The following DCAF8L2 variants were observed in gnomAD, a reference collection of about 807,000 sequenced individuals.
DCAF8L2 encodes the protein DDB1 and CUL4 associated factor 8 like 2.
For synonymous variants in DCAF8L2, 200 were observed against 190.9 expected, an observed-to-expected ratio of 1.05 and a Z score of -0.39; for missense variants, 430 against 490.7, an observed-to-expected ratio of 0.88 and a Z score of 1.17.
At chrX:27,577,965 T>A in the DCAF8L2 span, among the ~76,000 whole-genome samples, 4 of 111,406 alleles carry the variant, frequency 3.6e-5, no homozygotes, top group African/African-American at 1.3e-4. Context: ...ATGAAAATGG[T>A]CATACTGCCC....
intron 4 of DCAF8L2, among the ~76,000 whole-genome samples, chrX:27,740,766 C>T (rs1921800662): frequency 8.9e-6 from 1 of 112,133 alleles, no homozygotes; most frequent in South Asian, 3.7e-4. Context: ...TTAAATGTCA[C>T]CCCAATAAGA....
chrX:27,652,231 A>C (rs1362667661), intron 2 of DCAF8L2, among the ~76,000 whole-genome samples: 5 of 111,428 alleles, frequency 4.5e-5, no homozygotes, highest in African/African-American at 1.6e-4. Flanking sequence ...TATGAAGTCA[A>C]GTCCTAGAAC....
At chrX:27,591,051 A>C in intron 1 of DCAF8L2, among the ~76,000 whole-genome samples, 1 of 100,733 alleles carries the variant, frequency 9.9e-6, no homozygotes, top group Middle Eastern at 5.1e-3. Flanking sequence ...ACATTTTATA[A>C]AATACTTTAT....
intron 2 of DCAF8L2, among the ~76,000 whole-genome samples, chrX:27,652,178 A>G (rs987640099): frequency 2.7e-5 from 3 of 111,541 alleles, no homozygotes; most frequent in African/African-American, 9.8e-5. Flanking sequence ...CTTCTATATG[A>G]ATAAAAGCTA....
At chrX:27,482,298 C>T in the DCAF8L2 span, among the ~76,000 whole-genome samples, 11 of 111,422 alleles carry the variant, frequency 9.9e-5, 1 homozygote, top group Admixed American at 1.9e-4. Flanking sequence ...GAGAAGAGAA[C>T]ATCAAATTTT....
chrX:27,575,786 T>C, the DCAF8L2 span, among the ~76,000 whole-genome samples: 2 of 112,279 alleles, frequency 1.8e-5, no homozygotes, highest in Non-Finnish European at 3.8e-5. Context: ...GTATCATGCT[T>C]TGTTTTTTCC....
intron 3 of DCAF8L2, among the ~76,000 whole-genome samples, chrX:27,694,168 G>A (rs149030441): frequency 9.9e-5 from 11 of 110,976 alleles, no homozygotes; most frequent in African/African-American, 3.3e-4. Flanking sequence ...CTGAGCACAC[G>A]TGGACATAAA....
At chrX:27,564,737 A>AG in the DCAF8L2 span, among the ~76,000 whole-genome samples, 1 of 109,930 alleles carries the variant, frequency 9.1e-6, no homozygotes, top group Non-Finnish European at 1.9e-5. Context: ...TGTCAATGAA[A>AG]AAAAAATTCC....
chrX:27,564,623 T>C, the DCAF8L2 span, among the ~76,000 whole-genome samples: 16 of 109,987 alleles, frequency 1.5e-4, no homozygotes, highest in African/African-American at 5.3e-4. Context: ...ATGTAAAATG[T>C]ATTGGAGTGG....
the DCAF8L2 span, among the ~76,000 whole-genome samples, chrX:27,553,912 C>T: frequency 9.6e-6 from 1 of 104,383 alleles, no homozygotes; most frequent in Non-Finnish European, 2.0e-5. Context: ...TGAAAAACTG[C>T]AATGAAATAT....
the DCAF8L2 span, among the ~76,000 whole-genome samples, chrX:27,522,934 G>A: frequency 9.0e-6 from 1 of 111,454 alleles, no homozygotes; most frequent in East Asian, 2.8e-4. Flanking sequence ...TGTACTCATC[G>A]ACCTTAACAA....
intron 1 of DCAF8L2, among the ~76,000 whole-genome samples, chrX:27,598,960 C>CAAAA (rs113747555): frequency 3.6e-5 from 3 of 82,515 alleles, no homozygotes; most frequent in Non-Finnish European, 4.7e-5. Flanking sequence ...GAAAGTTTCT[C>CAAAA]AAAAAAAAAA....
At chrX:27,490,699 A>G in the DCAF8L2 span, among the ~76,000 whole-genome samples, 1 of 110,599 alleles carries the variant, frequency 9.0e-6, no homozygotes, top group Non-Finnish European at 1.9e-5. Context: ...TGACCTTATA[A>G]TCCGCCCACC....
intron 4 of DCAF8L2, among the ~76,000 whole-genome samples, chrX:27,732,353 A>G (rs980808222): frequency 9.0e-6 from 1 of 110,820 alleles, no homozygotes; most frequent in African/African-American, 3.3e-5. Flanking sequence ...TAGATTCTGC[A>G]TATCCACGAG....
chrX:27,528,063 T>A, the DCAF8L2 span, among the ~76,000 whole-genome samples: 5 of 104,166 alleles, frequency 4.8e-5, no homozygotes, highest in African/African-American at 7.4e-5. Flanking sequence ...TTAAATTAAA[T>A]TTTTAATTTA....
At chrX:27,660,254 C>T (rs1929508469) in intron 2 of DCAF8L2, among the ~76,000 whole-genome samples, 1 of 111,651 alleles carries the variant, frequency 9.0e-6, no homozygotes, top group African/African-American at 3.3e-5. Context: ...GAACTCCTGA[C>T]CTCAGGTGAT....
At chrX:27,654,618 C>G (rs1340860240) in intron 2 of DCAF8L2, among the ~76,000 whole-genome samples, 4 of 111,549 alleles carry the variant, frequency 3.6e-5, no homozygotes, top group African/African-American at 6.5e-5. Flanking sequence ...AGAAAATAAT[C>G]ACAAATGTTT....
At chrX:27,490,737 G>A in the DCAF8L2 span, among the ~76,000 whole-genome samples, 1 of 111,351 alleles carries the variant, frequency 9.0e-6, no homozygotes, top group Admixed American at 9.6e-5. Context: ...TGGGATTACA[G>A]GTGTGAGCCA....
the DCAF8L2 span, among the ~76,000 whole-genome samples, chrX:27,527,752 A>G: frequency 1.8e-5 from 2 of 109,244 alleles, no homozygotes; most frequent in African/African-American, 6.7e-5. Flanking sequence ...CCTGGGTTCA[A>G]GCAATTCTCT....
Sources: allele counts gnomAD v4.1 joint callset (sites outside exome capture counted in the v4.1 genomes callset), GRCh38; gene constraint gnomAD v4.1.1; transcripts MANE v1.5; gene names NCBI Gene and HGNC (gene_info 2026-07-23, HGNC 2026-07-21).